Variants in COL18A1 observed in about 807,000 individuals in gnomAD.
The protein encoded by COL18A1 is collagen alpha-1(XVIII) chain.
Under a neutral mutation model 168.0 loss-of-function variants are expected in COL18A1, and 133 were observed. That is an observed-to-expected ratio of 0.79 (90% CI 0.69 to 0.91). COL18A1 has a LOEUF of 0.91. Among genes scored for constraint, COL18A1 ranks in the 40% least tolerant of loss-of-function variants. The probability of loss-of-function intolerance (pLI) is 0.00; values close to 1 mark genes in which losing one functional copy is unlikely to be tolerated. For missense variants in COL18A1, 2,126 were observed against 1,925.4 expected (o/e 1.10, Z -1.95); for synonymous variants, 949 against 809.0 (o/e 1.17, Z -2.94).
chr21:45,500,626 GT>G (rs2036748271), intron 32 of COL18A1, among the ~76,000 whole-genome samples: 1 of 30,064 alleles, frequency 3.3e-5, no homozygotes, highest in Non-Finnish European at 7.0e-5. Flanking sequence ...GTGTGTGTGT[GT>G]TGGGTGTGTA....
At chr21:45,476,616 GAT>G (rs1342200196) in intron 6 of COL18A1, 136 bp downstream of exon 6, 1 of 1,105,152 alleles carries the variant, frequency 9.0e-7, no homozygotes, top group African/African-American at 1.6e-5. Context: ...ATGTGTGTGT[GAT>G]ATGGCACGTG....
chr21:45,480,333 G>A lies in COL18A1; in HGVS notation c.1399-134G>A, dbSNP rs1602498062. On this transcript the variant is annotated intron_variant, in intron 11 of 41. Coordinates refer to ENST00000651438, the MANE Select transcript of COL18A1 (RefSeq NM_001379500.1). ...CCACCTGCCTTCAGGCTTCTCTGGG[G>A]GCAGCAGAGGGGCCGTGGTTTCTCA... 6.6e-6 allele frequency: 10 copies of A among 1,520,490 alleles called. No individual in the cohort carries two copies. In the East Asian group the frequency reaches 2.4e-4, roughly 36 times the overall value. The allele number at this position is 1,520,490 out of a possible 1,614,324, so 94.2% of individuals were successfully genotyped here.
chr21:45,456,749 C>T (rs2034838874), intron 2 of COL18A1: 1 of 1,539,000 alleles, frequency 6.5e-7, no homozygotes, highest in South Asian at 1.2e-5. Context: ...CGCCCCGCCA[C>T]CCTGCTGCCA....
chr21:45,452,835 G>A (rs1185646354), intron 2 of COL18A1, among the ~76,000 whole-genome samples: 1 of 140,378 alleles, frequency 7.1e-6, no homozygotes, highest in Non-Finnish European at 1.5e-5. Flanking sequence ...TGTATGACAT[G>A]TGTAAACATG....
intron 26 of COL18A1, chr21:45,494,097 C>T: frequency 3.3e-6 from 1 of 305,404 alleles, no homozygotes; most frequent in South Asian, 3.6e-5. Flanking sequence ...ACCGGCTCTC[C>T]CACTTTCAGA....
intron 2 of COL18A1, among the ~76,000 whole-genome samples, chr21:45,426,427 AG>A (rs2033802631): frequency 6.6e-6 from 1 of 152,128 alleles, no homozygotes; most frequent in African/African-American, 2.4e-5. Flanking sequence ...GGGAGAGGGC[AG>A]CCCCTGGTTC....
At position 45,498,446 on chromosome 21, in the gene COL18A1, G is replaced by C. The variant is rs748961133; in HGVS notation, c.2683+785G>C. The C allele has an allele frequency of 2.1e-4, 140 of 678,920 alleles. No homozygotes were observed. The highest frequency in any genetic ancestry group is 3.3e-4 in the Non-Finnish European group (118 of 361,540). The allele number at this position is 678,920 out of a possible 1,614,324, so 42.1% of individuals were successfully genotyped here. ...CCGCCACGGTCCCCTCTCGCCGCCAGGGTCCCCTCTCGCCGCCACGGTCCC... is the reference window on the plus strand; with the variant it reads ...CCGCCACGGTCCCCTCTCGCCGCCACGGTCCCCTCTCGCCGCCACGGTCCC... On this transcript the variant is annotated intron_variant, in intron 32 of 41. Coordinates refer to ENST00000651438, the MANE Select transcript of COL18A1 (RefSeq NM_001379500.1). This position sits in a 1 kb window ranked among gnomAD's most constrained non-coding sequence, Gnocchi z 4.5.
At chr21:45,474,803 G>GACCCACAGCCTCGCTC (rs1568899770) in intron 4 of COL18A1, among the ~76,000 whole-genome samples, 2 of 146,946 alleles carry the variant, frequency 1.4e-5, no homozygotes, top group Admixed American at 6.8e-5. Flanking sequence ...AGACACCGTG[G>GACCCACAGCCTCGCTC]CTGGACTGTG....
Position 45,494,583 on chromosome 21 carries a change from C to T in COL18A1, c.2379+12C>T. 6.2e-7 allele frequency: 1 copy of T among 1,613,050 alleles called. No homozygotes were observed. ...TCCGAGGACCCCCGGTAAGTCGGTC[C>T]CTGGCTTTCTCTGCACTGAGCTCGG... On this transcript the variant is annotated intron_variant, in intron 27 of 41. Coordinates refer to ENST00000651438, the MANE Select transcript of COL18A1 (RefSeq NM_001379500.1).
intron 2 of COL18A1, among the ~76,000 whole-genome samples, chr21:45,449,985 G>A (rs988095330): frequency 2.6e-5 from 4 of 152,236 alleles, no homozygotes; most frequent in African/African-American, 9.6e-5. Context: ...AACTAGTTGC[G>A]CCACAGAAAG....
At chr21:45,507,981 G>A (rs1354266616) in intron 38 of COL18A1, among the ~76,000 whole-genome samples, 1 of 152,230 alleles carries the variant, frequency 6.6e-6, no homozygotes, top group Non-Finnish European at 1.5e-5. Flanking sequence ...GACTGGGTGG[G>A]TGAATCAATG....
intron 14 of COL18A1, 90 bp downstream of exon 14, chr21:45,482,115 G>A (rs572650243): frequency 3.3e-5 from 32 of 968,104 alleles, no homozygotes; most frequent in Middle Eastern, 2.2e-4. Context: ...CCCGTGAAGG[G>A]GAAATGCCAG....
intron 22 of COL18A1, 58 bp downstream of exon 22, chr21:45,491,372 G>T (rs2036336979): frequency 1.0e-6 from 1 of 960,440 alleles, no homozygotes; most frequent in East Asian, 2.6e-5. Flanking sequence ...GGGGTGCAGA[G>T]ATCCCTCCCC....
intron 2 of COL18A1, among the ~76,000 whole-genome samples, chr21:45,464,831 G>A (rs189030354): frequency 1.4e-4 from 21 of 152,260 alleles, no homozygotes; most frequent in Admixed American, 9.2e-4. Context: ...CCCATCTCCA[G>A]GTCCACAGCC....
At chr21:45,475,393 C>A in intron 4 of COL18A1, 83 bp from the exon 5 acceptor site, 2 of 1,250,330 alleles carry the variant, frequency 1.6e-6, no homozygotes, top group Non-Finnish European at 2.3e-6. Context: ...GCGAGAGCAG[C>A]GTCCTTTGCT....
chr21:45,477,860 G>A lies in COL18A1; in HGVS notation c.1116G>A (p.Val372=). ...GTCCCCCGGGTCTCCCGTGCCCAGTGAGTCCCCTGGGTCCTGCAGGCCCAG... is the reference window on the plus strand; with the variant it reads ...GTCCCCCGGGTCTCCCGTGCCCAGTAAGTCCCCTGGGTCCTGCAGGCCCAG... ...LPGPPGLPCP[V]SPLGPAGPAL... The change falls in exon 8 of 42, where the codon GTG becomes GTA. Residue 372 remains valine, a synonymous_variant. Coordinates refer to ENST00000651438, the MANE Select transcript of COL18A1 (RefSeq NM_001379500.1). 1 of 1,554,796 alleles carries A rather than the reference G, an allele frequency of 6.4e-7. No individual in the cohort carries two copies. The highest frequency in any genetic ancestry group is 8.7e-7 in the Non-Finnish European group (1 of 1,149,048).
At chr21:45,455,639 G>A (rs1387488682) in intron 2 of COL18A1, 1 of 1,613,838 alleles carries the variant, frequency 6.2e-7, no homozygotes, top group African/African-American at 1.3e-5. Flanking sequence ...CAATAATGAG[G>A]ACACCAGCCA....
chr21:45,440,835 C>T (rs1167117652), intron 2 of COL18A1, among the ~76,000 whole-genome samples: 1 of 152,172 alleles, frequency 6.6e-6, no homozygotes, highest in Non-Finnish European at 1.5e-5. Context: ...GGAACTGGCC[C>T]CTGGCCATGG....
chr21:45,488,663 C>T lies in COL18A1; in HGVS notation c.1923+219C>T, dbSNP rs753104163. Among the ~76,000 whole-genome samples, 33 of 152,198 alleles carry T rather than the reference C, an allele frequency of 2.2e-4. 1 individual carries two copies. Among genetic ancestry groups the T allele is most frequent in the Non-Finnish European group, 3.7e-4 (25 of 67,988 alleles). ...TTCCAGCGTTAAGGGGCCATTGTCCCGTTCTCTCTCCGAAGCCCAGGAATC... is the reference window on the plus strand; with the variant it reads ...TTCCAGCGTTAAGGGGCCATTGTCCTGTTCTCTCTCCGAAGCCCAGGAATC... On this transcript the variant is annotated intron_variant, in intron 18 of 41. Transcript: ENST00000651438.
Sources: allele counts gnomAD v4.1 joint callset (sites outside exome capture counted in the v4.1 genomes callset), GRCh38; gene constraint gnomAD v4.1.1; non-coding constraint Gnocchi (gnomAD v3.1); transcripts MANE v1.5; gene names NCBI Gene and HGNC (gene_info 2026-07-23, HGNC 2026-07-21).